The following TRMT9B variants were observed in gnomAD, a reference collection of about 807,000 sequenced individuals.
TRMT9B encodes tRNA methyltransferase 9B (putative).
In TRMT9B, 16 loss-of-function variants were observed where a neutral mutation model predicts 11.5. The observed-to-expected ratio is 1.39, with a 90% CI of 0.94 to 2.11. The LOEUF (loss-of-function observed/expected upper bound fraction) is 2.11. Ranked by LOEUF, TRMT9B falls within the 30% of genes most tolerant of loss-of-function variation. TRMT9B has a pLI of 0.00. For synonymous variants in TRMT9B, 274 were observed against 192.4 expected (o/e 1.42, Z -3.51); for missense variants, 941 against 553.8 (o/e 1.70, Z -7.02).
rs1350181499 is a variant in TRMT9B at position 12,965,927 on chromosome 8, C to T, written c.-200+19961C>T. ...ACTCGGGAGGCTGAGGCAGGAGAAC[C>T]ACTTGAACCTGGGAGGCGGAAGTAG... On this transcript the variant is annotated intron_variant, in intron 1 of 4. Coordinates refer to ENST00000524591, the MANE Select transcript of TRMT9B (RefSeq NM_020844.3). Among the ~76,000 whole-genome samples, 3 of 151,826 alleles carry T rather than the reference C, an allele frequency of 2.0e-5. No individual in the cohort carries two copies. In the South Asian group the frequency reaches 6.3e-4, roughly 32 times the overall value.
chr8:13,015,803 G>A (rs2128897533), intron 4 of TRMT9B, among the ~76,000 whole-genome samples: 1 of 152,220 alleles, frequency 6.6e-6, no homozygotes, highest in Non-Finnish European at 1.5e-5. Context: ...TACATCTCAT[G>A]CCTTGCCCTC....
At chr8:12,947,180 T>G (rs997509619) in intron 1 of TRMT9B, among the ~76,000 whole-genome samples, 3 of 152,204 alleles carry the variant, frequency 2.0e-5, no homozygotes, top group Non-Finnish European at 4.4e-5. Context: ...GCCATAAAGC[T>G]TGAGCTTTGC....
At chr8:13,012,497 C>A in intron 3 of TRMT9B, 187 bp from the exon 4 acceptor site, 1 of 703,360 alleles carries the variant, frequency 1.4e-6, no homozygotes, top group African/African-American at 1.8e-5. Flanking sequence ...ATTGCTTGAA[C>A]CCGTGAGGCA....
rs1043588997 is a variant in TRMT9B at position 12,947,096 on chromosome 8, A to C, written c.-200+1130A>C. On this transcript the variant is annotated intron_variant, in intron 1 of 4. Coordinates refer to ENST00000524591, the MANE Select transcript of TRMT9B (RefSeq NM_020844.3). ...CTGTCTCTAAATTGTGCTGACTAAT[A>C]AACAGCTGTGAGCTCTTTGATTCTC... Among the ~76,000 whole-genome samples, 7 of 152,330 alleles carry C rather than the reference A, an allele frequency of 4.6e-5. No homozygotes were observed. In the South Asian group the frequency reaches 1.0e-3, roughly 23 times the overall value.
chr8:12,951,632 C>T (rs1017576773), intron 1 of TRMT9B: 1 of 151,924 alleles, frequency 6.6e-6, no homozygotes, highest in African/African-American at 2.4e-5. Flanking sequence ...CTTCGCTGCC[C>T]GGAGGCGCCG....
chr8:12,990,159 AT>A (rs1321955371), intron 1 of TRMT9B, among the ~76,000 whole-genome samples: 1 of 152,170 alleles, frequency 6.6e-6, no homozygotes, highest in Admixed American at 6.5e-5. Context: ...ACTAGGAAAA[AT>A]GGTTGCAGGC....
chr8:12,970,003 A>C (rs2128867861), intron 1 of TRMT9B: 1 of 152,254 alleles, frequency 6.6e-6, no homozygotes, highest in East Asian at 1.9e-4. Context: ...ACAGTTGGTC[A>C]GATTGGTCCG....
chr8:12,997,295 T>TTG, intron 2 of TRMT9B, among the ~76,000 whole-genome samples: 1 of 151,616 alleles, frequency 6.6e-6, no homozygotes, highest in South Asian at 2.1e-4. Context: ...ACATGAGAGC[T>TTG]GGTTGTTTAA....
intron 4 of TRMT9B, among the ~76,000 whole-genome samples, chr8:13,019,318 G>A (rs946684962): frequency 4.6e-5 from 7 of 152,212 alleles, no homozygotes; most frequent in Non-Finnish European, 7.4e-5. Context: ...TTGAGACAGC[G>A]TCTCACTCTG....
chr8:13,011,313 C>A, intron 3 of TRMT9B: 1 of 985,304 alleles, frequency 1.0e-6, no homozygotes, highest in Non-Finnish European at 1.2e-6. Context: ...TTCATATATT[C>A]TCCACTGTCT....
intron 3 of TRMT9B, among the ~76,000 whole-genome samples, chr8:13,009,114 C>A (rs567068357): frequency 6.6e-5 from 10 of 152,202 alleles, no homozygotes; most frequent in African/African-American, 2.2e-4. Flanking sequence ...CACGGAGGAA[C>A]CTGGAAGATA....
intron 4 of TRMT9B, among the ~76,000 whole-genome samples, chr8:13,013,826 G>A (rs571569132): frequency 1.7e-4 from 26 of 152,218 alleles, no homozygotes; most frequent in African/African-American, 6.0e-4. Context: ...ACAAGCGCCT[G>A]TAGTCCCAGC....
chr8:12,976,860 G>C (rs909786741), intron 1 of TRMT9B, among the ~76,000 whole-genome samples: 5 of 152,136 alleles, frequency 3.3e-5, no homozygotes, highest in African/African-American at 1.2e-4. Context: ...GCTCTGACCT[G>C]CAGGCAAAGG....
Position 12,999,952 on chromosome 8 carries a change from T to C in TRMT9B, c.-1-6250T>C, listed in dbSNP as rs1003617544. On this transcript the variant is annotated intron_variant, in intron 2 of 4. Transcript: ENST00000524591. ...CTTTATGAAGAAAAAAGGGGGAACT[T>C]ATATGGTAACAAGTTGTCATCTAAT... Among the ~76,000 whole-genome samples the C allele has an allele frequency of 5.9e-5, 9 of 152,196 alleles. No individual in the cohort carries two copies. The East Asian group carries it at 7.7e-4, about 13-fold the overall frequency.
At chr8:12,967,578 C>A (rs1802996052) in intron 1 of TRMT9B, among the ~76,000 whole-genome samples, 1 of 152,236 alleles carries the variant, frequency 6.6e-6, no homozygotes, top group Admixed American at 6.5e-5. Flanking sequence ...CTTTTCTCCA[C>A]CAATGAACTA....
At chr8:12,946,435 G>T (rs778411197) in intron 1 of TRMT9B, among the ~76,000 whole-genome samples, 2 of 152,134 alleles carry the variant, frequency 1.3e-5, no homozygotes, top group Non-Finnish European at 2.9e-5. Flanking sequence ...GCTATGAAGG[G>T]CAAGAAGAAG....
intron 1 of TRMT9B, among the ~76,000 whole-genome samples, chr8:12,956,966 C>T (rs536835145): frequency 1.3e-4 from 20 of 152,202 alleles, no homozygotes; most frequent in Non-Finnish European, 2.9e-4. Flanking sequence ...GATTATTGAA[C>T]AAAATTTTGT....
chr8:12,968,922 G>C (rs779912003), intron 1 of TRMT9B, among the ~76,000 whole-genome samples: 3 of 152,132 alleles, frequency 2.0e-5, no homozygotes, highest in Admixed American at 6.5e-5. Flanking sequence ...ATATAAAACC[G>C]AAAAGTGGGC....
chr8:12,997,358 A>G (rs1808553373), intron 2 of TRMT9B, among the ~76,000 whole-genome samples: 1 of 152,076 alleles, frequency 6.6e-6, no homozygotes, highest in Non-Finnish European at 1.5e-5. Flanking sequence ...ACCTTGTGAC[A>G]CACGTGCTCC....
Sources: allele counts gnomAD v4.1 joint callset (sites outside exome capture counted in the v4.1 genomes callset), GRCh38; gene constraint gnomAD v4.1.1; transcripts MANE v1.5; gene names NCBI Gene and HGNC (gene_info 2026-07-23, HGNC 2026-07-21).